FAM20C: variants seen among roughly 807,000 people sequenced by gnomAD.
FAM20C encodes extracellular serine/threonine protein kinase FAM20C.
FAM20C carries 40 observed loss-of-function variants against 51.5 expected under a neutral mutation model. The ratio of observed to expected loss-of-function variants is 0.78; its 90% CI spans 0.60 to 1.01. The LOEUF (loss-of-function observed/expected upper bound fraction) is 1.01. FAM20C is among the 50% of genes least tolerant of loss of function. The probability of loss-of-function intolerance (pLI) is 0.00; values close to 1 mark genes in which losing one functional copy is unlikely to be tolerated. For missense variants in FAM20C, 861 were observed against 844.7 expected (o/e 1.02, Z -0.24); for synonymous variants, 406 against 380.6 (o/e 1.07, Z -0.78).
chr7:235,239 T>C (rs1787812920), intron 3 of FAM20C, among the ~76,000 whole-genome samples: 1 of 152,118 alleles, frequency 6.6e-6, no homozygotes, highest in African/African-American at 2.4e-5. Flanking sequence ...GGCTGTGGCA[T>C]TTTCAAACTG....
intron 3 of FAM20C, among the ~76,000 whole-genome samples, chr7:243,047 C>CGGG (rs1788002500): frequency 2.0e-5 from 3 of 148,826 alleles, no homozygotes; most frequent in African/African-American, 7.6e-5. Context: ...CTGTGCCACC[C>CGGG]AGGAGACCTG....
At chr7:246,587 A>G in intron 4 of FAM20C, 80 bp downstream of exon 4, 1 of 992,074 alleles carries the variant, frequency 1.0e-6, no homozygotes, top group Non-Finnish European at 1.5e-6. Flanking sequence ...TGCACTGGAC[A>G]CAGCAGGACG....
Position 236,939 on chromosome 7 carries a change from T to C in FAM20C, c.864-9476T>C, listed in dbSNP as rs1156373194. On this transcript the variant is annotated intron_variant, in intron 3 of 9. Coordinates refer to ENST00000313766, the MANE Select transcript of FAM20C (RefSeq NM_020223.4). ...GACTCCAGGAGCATTTCAGAGCCTC[T>C]TCCAGGAGTGGGACATGGACAGAAA... Among the ~76,000 whole-genome samples the C allele has an allele frequency of 5.4e-4, 82 of 152,330 alleles. 1 individual carries two copies. Among genetic ancestry groups the C allele is most frequent in the Admixed American group, 5.4e-3 (82 of 15,310 alleles).
At chr7:232,462 G>A (rs983477265) in intron 3 of FAM20C, among the ~76,000 whole-genome samples, 4 of 152,224 alleles carry the variant, frequency 2.6e-5, no homozygotes, top group Admixed American at 6.5e-5. Context: ...CTCCGTGACT[G>A]TAGAGCAGGG....
intron 2 of FAM20C, 43 bp from the exon 3 acceptor site, chr7:208,855 T>C (rs944668200): frequency 6.5e-7 from 1 of 1,545,744 alleles, no homozygotes; most frequent in Non-Finnish European, 8.8e-7. Flanking sequence ...AGAAGGGGCG[T>C]GAGGCCAGAG....
intron 2 of FAM20C, among the ~76,000 whole-genome samples, chr7:206,661 G>T (rs371735654): frequency 4.8e-4 from 30 of 62,876 alleles, no homozygotes; most frequent in East Asian, 3.3e-3. Flanking sequence ...GTGACGCGTC[G>T]GTCACTGTCC....
At chr7:202,106 T>C (rs550207223) in intron 2 of FAM20C, among the ~76,000 whole-genome samples, 4 of 152,314 alleles carry the variant, frequency 2.6e-5, no homozygotes, top group African/African-American at 7.2e-5. Flanking sequence ...TGGGAGGTGC[T>C]CAGGGCAGGT....
chr7:257,893 GA>G (rs1788668548), intron 8 of FAM20C, among the ~76,000 whole-genome samples: 2 of 138,392 alleles, frequency 1.4e-5, no homozygotes, highest in South Asian at 2.3e-4. Flanking sequence ...CACTGCCCAG[GA>G]TGCTGGAGAT....
Position 255,901 on chromosome 7 carries a change from C to T in FAM20C, c.1125C>T (p.His375=), listed in dbSNP as rs149513190. The change falls in exon 6 of 10, where the codon CAC becomes CAT. Residue 375 remains histidine, a synonymous_variant. Transcript: ENST00000313766. ...GTTCCTACTACTGCTCCACGGAGCA[C>T]GCCCTGTGCGGGAAGCCAGACCAGA... is the stretch of plus-strand genomic sequence containing the variant. ...GECSYYCSTE[H]ALCGKPDQIE... is the part of the protein sequence containing the mutation. 45,107 of 1,536,390 alleles carry T rather than the reference C, an allele frequency of 0.029. 886 individuals carry two copies. Among genetic ancestry groups the T allele is most frequent in the South Asian group, 0.073 (6,150 of 84,062 alleles).
intron 2 of FAM20C, among the ~76,000 whole-genome samples, chr7:208,022 C>T (rs1786518411): frequency 6.6e-6 from 1 of 152,242 alleles, no homozygotes; most frequent in Non-Finnish European, 1.5e-5. Flanking sequence ...AGCTGCCTCG[C>T]ATGAGACAGG....
intron 3 of FAM20C, among the ~76,000 whole-genome samples, chr7:233,213 G>A (rs1401664793): frequency 2.0e-5 from 3 of 152,358 alleles, no homozygotes; most frequent in African/African-American, 7.2e-5. Flanking sequence ...GGATGCACGT[G>A]TGGTGTTTGT....
chr7:228,206 C>T (rs2115111257), intron 3 of FAM20C: 1 of 329,658 alleles, frequency 3.0e-6, no homozygotes, highest in South Asian at 2.5e-5. Flanking sequence ...AGGCCCGTGG[C>T]CAATCAGAGA....
Position 251,295 on chromosome 7 carries a change from G to A in FAM20C, c.1072+2865G>A, listed in dbSNP as rs184973043. Among the ~76,000 whole-genome samples, 38 of 141,104 alleles carry A rather than the reference G, an allele frequency of 2.7e-4. No individual in the cohort carries two copies. In the East Asian group the frequency reaches 4.6e-3, roughly 17 times the overall value. 92.6% of individuals were successfully genotyped at this position (141,104 alleles called of 152,430 possible). Reference sequence around the variant, plus strand: ...ACGCCTGCAATCCCAGTACTGGGAGGACCCCTTGAGCCCAGGAGTTCAAGA... The same window carrying A: ...ACGCCTGCAATCCCAGTACTGGGAGAACCCCTTGAGCCCAGGAGTTCAAGA... On this transcript the variant is annotated intron_variant, in intron 5 of 9. Coordinates refer to ENST00000313766, the MANE Select transcript of FAM20C (RefSeq NM_020223.4).
rs1787925211 is a variant in FAM20C, at chr7:240,824, C to T, written c.864-5591C>T. On this transcript the variant is annotated intron_variant, in intron 3 of 9. Transcript: ENST00000313766. ...GAAGAGCCACATTCTGCCTCAGGCT[C>T]CAGGAAAGCCCCACAGAGGGGCTGA... Among the ~76,000 whole-genome samples, 3 of 152,148 alleles carry T rather than the reference C, an allele frequency of 2.0e-5. No homozygotes were observed. In the South Asian group the frequency reaches 6.2e-4, roughly 32 times the overall value.
intron 2 of FAM20C, among the ~76,000 whole-genome samples, chr7:199,592 G>A (rs1786037195): frequency 6.6e-6 from 1 of 152,150 alleles, no homozygotes; most frequent in South Asian, 2.1e-4. Flanking sequence ...CCTTCCCTCG[G>A]AACGGTTCCA....
chr7:218,311 G>A (rs1048503351), intron 3 of FAM20C, among the ~76,000 whole-genome samples: 15 of 152,212 alleles, frequency 9.9e-5, no homozygotes, highest in African/African-American at 3.6e-4. Flanking sequence ...CCTGGCAGCC[G>A]GGGCCCCTTT....
intron 3 of FAM20C, chr7:229,631 G>C (rs139215099): frequency 0.012 from 1,784 of 152,488 alleles, 10 homozygotes; most frequent in Middle Eastern, 0.068. Flanking sequence ...CACGGGGCTG[G>C]AACAAGTGAC....
chr7:254,747 G>A (rs1324267487), intron 5 of FAM20C, among the ~76,000 whole-genome samples: 2 of 152,196 alleles, frequency 1.3e-5, no homozygotes, highest in East Asian at 1.9e-4. Flanking sequence ...ACCATGAGCA[G>A]GCGGTCACCG....
In FAM20C at chr7:256,713, G is replaced by A. The variant is rs1457558109; in HGVS notation, c.1313G>A (p.Ser438Asn). 6.5e-7 allele frequency: 1 copy of A among 1,536,202 alleles called. No individual in the cohort carries two copies. Among genetic ancestry groups the A allele is most frequent in the South Asian group, 1.2e-5 (1 of 84,068 alleles). Residue 438 changes from serine to asparagine, a missense_variant, in exon 7 of 10, where the codon AGC becomes AAC. Ser to Asn is a conservative substitution (Grantham distance 46). Transcript: ENST00000313766. ...EVKQTPPYDS[S>N]HRILDVMDMT... ...AAGCAGACACCGCCCTACGACAGCA[G>A]CCACCGCATCCTGGACGTCATGGAC... is the stretch of plus-strand genomic sequence containing the variant.
Sources: allele counts gnomAD v4.1 joint callset (sites outside exome capture counted in the v4.1 genomes callset), GRCh38; gene constraint gnomAD v4.1.1; transcripts MANE v1.5; gene names NCBI Gene and HGNC (gene_info 2026-07-23, HGNC 2026-07-21).